KLRD1: variants seen among roughly 807,000 people sequenced by gnomAD.
KLRD1 encodes natural killer cells antigen CD94.
Under a neutral mutation model 22.6 loss-of-function variants are expected in KLRD1, and 21 were observed. The ratio of observed to expected loss-of-function variants is 0.93; its 90% CI spans 0.66 to 1.34. The LOEUF (loss-of-function observed/expected upper bound fraction) is 1.34. Among genes scored for constraint, KLRD1 ranks in the 40% most tolerant of loss-of-function variants. The pLI, the probability that KLRD1 is intolerant of heterozygous loss-of-function variation, is 0.00. For synonymous variants in KLRD1, 59 were observed against 71.1 expected (o/e 0.83, Z 0.85); for missense variants, 183 against 208.6 (o/e 0.88, Z 0.76).
intron 1 of KLRD1, among the ~76,000 whole-genome samples, chr12:10,258,367 A>C (rs550338003): frequency 6.6e-6 from 1 of 152,276 alleles, no homozygotes; most frequent in Non-Finnish European, 1.5e-5. Flanking sequence ...AGTGTCCAAC[A>C]CAATATAAAC....
intron 1 of KLRD1, among the ~76,000 whole-genome samples, chr12:10,292,423 G>T (rs183824041): frequency 6.6e-6 from 1 of 152,076 alleles, no homozygotes. Context: ...CTTGATTCAC[G>T]GACTGCCGAA....
At chr12:10,296,093 A>G (rs1054295466) in intron 1 of KLRD1, among the ~76,000 whole-genome samples, 1 of 152,190 alleles carries the variant, frequency 6.6e-6, no homozygotes, top group South Asian at 2.1e-4. Context: ...TGGGTCCATT[A>G]TTTTAAGAAA....
chr12:10,294,745 T>A (rs371747309), intron 1 of KLRD1, among the ~76,000 whole-genome samples: 2 of 152,286 alleles, frequency 1.3e-5, no homozygotes, highest in South Asian at 4.1e-4. Flanking sequence ...GATATCCAAA[T>A]TGGGTCCCAA....
At position 10,319,508 on chromosome 12, in the gene KLRD1, T is replaced by G. The variant is rs944838911; in HGVS notation, c.*4715T>G. 2.6e-5 allele frequency: 4 copies of G among 152,224 alleles called. No homozygotes were observed. The highest frequency in any genetic ancestry group is 4.8e-5 in the African/African-American group (2 of 41,454). 9.4% of individuals were successfully genotyped at this position (152,224 alleles called of 1,614,324 possible). ...TAAAGTGGAAATGATGATATTTCATTTCTGAGAATAGGTCATCAAAGATAG... is the reference window on the plus strand; with the variant it reads ...TAAAGTGGAAATGATGATATTTCATGTCTGAGAATAGGTCATCAAAGATAG... On this transcript the variant is annotated 3_prime_UTR_variant, in exon 6 of 6. Coordinates refer to ENST00000336164, the MANE Select transcript of KLRD1 (RefSeq NM_002262.5).
At chr12:10,241,913 A>G (rs373966437) in intron 1 of KLRD1, among the ~76,000 whole-genome samples, 1 of 152,092 alleles carries the variant, frequency 6.6e-6, no homozygotes. Flanking sequence ...ATCTGCTTGC[A>G]TCTGAAAGTT....
At chr12:10,263,098 T>C (rs1307297573) in intron 1 of KLRD1, among the ~76,000 whole-genome samples, 4 of 152,042 alleles carry the variant, frequency 2.6e-5, no homozygotes. Context: ...TTCTTCACAG[T>C]AACATAGCTT....
chr12:10,257,685 T>C (rs1394325355), intron 1 of KLRD1, among the ~76,000 whole-genome samples: 1 of 152,028 alleles, frequency 6.6e-6, no homozygotes, highest in Non-Finnish European at 1.5e-5. Flanking sequence ...TACAGTTATT[T>C]TGAAGTCTTA....
At chr12:10,311,773 T>TA (rs572806185) in intron 4 of KLRD1, 158 bp downstream of exon 4, 264 of 538,400 alleles carry the variant, frequency 4.9e-4, no homozygotes, top group African/African-American at 4.3e-3. Context: ...GTAGTCATTG[T>TA]AAAATCTTTA....
At chr12:10,275,598 A>C (rs1310193230) in intron 1 of KLRD1, among the ~76,000 whole-genome samples, 1 of 152,168 alleles carries the variant, frequency 6.6e-6, no homozygotes, top group Non-Finnish European at 1.5e-5. Context: ...AGTTAGGGTT[A>C]GGTGTTGCGG....
At position 10,324,818 on chromosome 12, in the gene KLRD1, G is replaced by GTATTTATATATATATATATATATA. The variant is rs1555113908; in HGVS notation, c.*10028_*10029insTTATATATATATATATATATATAT. 1.3e-5 allele frequency: 1 copy of GTATTTATATATATATATATATATA among 74,144 alleles called. No homozygotes were observed. Among genetic ancestry groups the GTATTTATATATATATATATATATA allele is most frequent in the Non-Finnish European group, 2.7e-5 (1 of 37,694 alleles). The allele number at this position is 74,144 out of a possible 1,614,324, so 4.6% of individuals were successfully genotyped here. A position where few individuals can be genotyped will look rare whatever the true frequency, so the allele number is the denominator to read the frequency against. On this transcript the variant is annotated 3_prime_UTR_variant, in exon 6 of 6. Transcript: ENST00000336164. ...AGTATATATGTATATGTGTGTGTGT[G>GTATTTATATATATATATATATATA]TATATATATATATATATATATATAT...
intron 1 of KLRD1, among the ~76,000 whole-genome samples, chr12:10,263,023 G>C (rs991325253): frequency 6.6e-6 from 1 of 151,988 alleles, no homozygotes; most frequent in African/African-American, 2.4e-5. Context: ...CACCTTAGAC[G>C]TAGTGTACGT....
At position 10,309,665 on chromosome 12, in the gene KLRD1, G is replaced by C. The variant is rs747064505; in HGVS notation, c.140G>C (p.Gly47Ala). The C allele has an allele frequency of 6.2e-7, 1 of 1,613,002 alleles. No individual in the cohort carries two copies. The highest frequency in any genetic ancestry group is 2.2e-5 in the East Asian group (1 of 44,808). Residue 47 changes from glycine (G) to alanine (A), a missense_variant, in exon 3 of 6, where the codon GGA becomes GCA. Transcript: ENST00000336164. ...KLSIEPAFTPGPNIELQKDSD... is the reference protein window; with the variant it reads ...KLSIEPAFTPAPNIELQKDSD... Reference sequence around the variant, plus strand: ...AGTATTGAGCCAGCATTTACTCCAGGACCCAACATAGAACTCCAGAAAGGT... The same window carrying C: ...AGTATTGAGCCAGCATTTACTCCAGCACCCAACATAGAACTCCAGAAAGGT...
chr12:10,287,059 C>T (rs1400633861), intron 1 of KLRD1, among the ~76,000 whole-genome samples: 1 of 152,052 alleles, frequency 6.6e-6, no homozygotes, highest in Non-Finnish European at 1.5e-5. Context: ...TCGCTTGAAC[C>T]CGGGAGGCAG....
At chr12:10,261,282 T>C (rs1046971021) in intron 1 of KLRD1, among the ~76,000 whole-genome samples, 3 of 152,184 alleles carry the variant, frequency 2.0e-5, no homozygotes, top group African/African-American at 4.8e-5. Flanking sequence ...TTTACCATCA[T>C]TGATCTGAAT....
chr12:10,292,762 C>A (rs945223710), intron 1 of KLRD1, among the ~76,000 whole-genome samples: 4 of 152,134 alleles, frequency 2.6e-5, no homozygotes, highest in African/African-American at 9.7e-5. Context: ...AGAGAGCCAG[C>A]CTGTCCTTTG....
rs1949963624 is a variant in KLRD1, at chr12:10,308,032, G to T, written c.-46G>T. 2 of 1,587,776 alleles carry T rather than the reference G, an allele frequency of 1.3e-6. No homozygotes were observed. The highest frequency in any genetic ancestry group is 4.5e-5 in the East Asian group (2 of 44,706). On this transcript the variant is annotated 5_prime_UTR_variant, in exon 1 of 6. Coordinates refer to ENST00000336164, the MANE Select transcript of KLRD1 (RefSeq NM_002262.5). ...ATTCAACGCTGTTCTTTCTGAAAAA[G>T]TACACATCGTGCCTTCTCTACTTCG...
intron 1 of KLRD1, among the ~76,000 whole-genome samples, chr12:10,284,383 A>C (rs534404453): frequency 1.3e-5 from 2 of 152,302 alleles, no homozygotes; most frequent in South Asian, 4.1e-4. Context: ...TTTTGAACAA[A>C]GAATTGAGTA....
intron 1 of KLRD1, among the ~76,000 whole-genome samples, chr12:10,263,342 T>C (rs1949471072): frequency 6.6e-6 from 1 of 152,024 alleles, no homozygotes; most frequent in Non-Finnish European, 1.5e-5. Flanking sequence ...ATTTACACAA[T>C]TGTACTTTTT....
At chr12:10,274,371 C>T (rs1654665877) in intron 1 of KLRD1, among the ~76,000 whole-genome samples, 1 of 152,120 alleles carries the variant, frequency 6.6e-6, no homozygotes, top group Admixed American at 6.5e-5. Flanking sequence ...AGAAGATCAA[C>T]ATTTATGTAG....
Sources: allele counts gnomAD v4.1 joint callset (sites outside exome capture counted in the v4.1 genomes callset), GRCh38; gene constraint gnomAD v4.1.1; transcripts MANE v1.5; gene names NCBI Gene and HGNC (gene_info 2026-07-23, HGNC 2026-07-21).